The following DNAH10 variants were observed in gnomAD, a reference collection of about 807,000 sequenced individuals.
DNAH10 encodes axonemal beta dynein heavy chain 10.
Under a neutral mutation model 506.6 loss-of-function variants are expected in DNAH10, and 348 were observed. The ratio of observed to expected loss-of-function variants is 0.69; its 90% CI spans 0.63 to 0.75. The LOEUF is 0.75. Among genes scored for constraint, DNAH10 ranks in the 30% least tolerant of loss-of-function variants. The pLI is 0.00. For synonymous variants in DNAH10, 2,059 were observed against 2,198.6 expected (o/e 0.94, Z 1.78); for missense variants, 5,179 against 5,787.1 (o/e 0.89, Z 3.41).
intron 43 of DNAH10, 134 bp from the exon 44 acceptor site, chr12:123,870,232 A>G (rs1478628561): frequency 8.7e-7 from 1 of 1,153,032 alleles, no homozygotes; most frequent in African/African-American, 1.6e-5. Context: ...TGTCCAGTGA[A>G]GGAGCAGCAT....
intron 21 of DNAH10, among the ~76,000 whole-genome samples, chr12:123,814,878 A>G (rs1959089996): frequency 6.6e-6 from 1 of 152,018 alleles, no homozygotes; most frequent in Non-Finnish European, 1.5e-5. Flanking sequence ...TGGCCTCCCA[A>G]AGTGCTGGGA....
chr12:123,925,301 C>T lies in DNAH10; in HGVS notation c.11921+97C>T, dbSNP rs1313555732. The T allele has an allele frequency of 6.5e-7, 1 of 1,536,028 alleles. No homozygotes were observed. Among genetic ancestry groups the T allele is most frequent in the Admixed American group, 1.8e-5 (1 of 55,964 alleles). On this transcript the variant is annotated intron_variant, in intron 68 of 78. Coordinates refer to ENST00000673944, the MANE Select transcript of DNAH10 (RefSeq NM_001372106.1). This position sits in a 1 kb window ranked among gnomAD's most constrained non-coding sequence, Gnocchi z 4.0. ...CAAAGAAAGCAGAGGCTGACCAGCT[C>T]CCGAGACAGCTGTCGCCACCCTGCT...
intron 65 of DNAH10, among the ~76,000 whole-genome samples, chr12:123,922,480 C>T (rs907847884): frequency 6.6e-6 from 1 of 152,182 alleles, no homozygotes; most frequent in South Asian, 2.1e-4. Context: ...AGGACACACT[C>T]GTGTCCCTTT....
chr12:123,840,921 C>T (rs1950751558), intron 29 of DNAH10, among the ~76,000 whole-genome samples: 1 of 152,132 alleles, frequency 6.6e-6, no homozygotes, highest in African/African-American at 2.4e-5. Context: ...AGCAACTCAC[C>T]CATAGTTGCG....
chr12:123,819,190 G>T lies in DNAH10; in HGVS notation c.3940G>T (p.Glu1314Ter). 1 of 1,613,626 alleles carries T rather than the reference G, an allele frequency of 6.2e-7. No homozygotes were observed. Among genetic ancestry groups the T allele is most frequent in the Middle Eastern group, 1.6e-4 (1 of 6,062 alleles). Reference sequence around the variant, plus strand: ...AATGAACTACAGAGTTCAGATAGAGGAGTTTGCAAAGCGTTTTTACAGTGA... The same window carrying T: ...AATGAACTACAGAGTTCAGATAGAGTAGTTTGCAAAGCGTTTTTACAGTGA... ...EIMNYRVQIE[E>*]FAKRFYSEGP... Residue 1314 changes from glutamate (E) to a stop codon, truncating the protein, a stop_gained, in exon 23 of 79, where the codon GAG becomes TAG. Transcript: ENST00000673944. LOFTEE classifies it high-confidence loss of function.
At chr12:123,872,472 C>G (rs1020529907) in intron 45 of DNAH10, among the ~76,000 whole-genome samples, 18 of 152,136 alleles carry the variant, frequency 1.2e-4, no homozygotes, top group Non-Finnish European at 2.4e-4. Context: ...ATCAGCCCAG[C>G]CAGGTACACC....
At chr12:123,775,333 T>G (rs1957399108) in intron 5 of DNAH10, among the ~76,000 whole-genome samples, 1 of 152,136 alleles carries the variant, frequency 6.6e-6, no homozygotes, top group Non-Finnish European at 1.5e-5. Context: ...GGTCTCCAAC[T>G]CCTGGGCTCA....
intron 24 of DNAH10, among the ~76,000 whole-genome samples, chr12:123,822,646 C>A (rs563272491): frequency 6.6e-6 from 1 of 152,244 alleles, no homozygotes; most frequent in Non-Finnish European, 1.5e-5. Context: ...ATACCTATAT[C>A]TATGAGATTT....
intron 1 of DNAH10, among the ~76,000 whole-genome samples, chr12:123,763,085 T>G (rs1436110865): frequency 6.6e-6 from 1 of 152,192 alleles, no homozygotes; most frequent in Non-Finnish European, 1.5e-5. Flanking sequence ...TTCTGGAGGC[T>G]CCTTATATCC....
At chr12:123,805,101 A>G (rs1396442546) in intron 18 of DNAH10, 61 bp downstream of exon 18, 4 of 1,546,606 alleles carry the variant, frequency 2.6e-6, no homozygotes, top group African/African-American at 1.4e-5. Flanking sequence ...GTTGACAAAT[A>G]TGGACAGTTA....
rs929490860 is a variant in DNAH10 at position 123,909,005 on chromosome 12, G to T, written c.9816-256G>T. ...GATCCAGACGCTCCGGGGACGGCCT[G>T]GGTTTGTATTTTAATGCTGCCCCCG... On this transcript the variant is annotated intron_variant, in intron 57 of 78. Transcript: ENST00000673944. The surrounding 1 kb of genome is among the most constrained non-coding windows in gnomAD (Gnocchi z 5.4). Among the ~76,000 whole-genome samples, 9 of 152,178 alleles carry T rather than the reference G, an allele frequency of 5.9e-5. No homozygotes were observed. Among genetic ancestry groups the T allele is most frequent in the African/African-American group, 2.2e-4 (9 of 41,446 alleles).
chr12:123,876,355 C>T (rs1952254489), intron 47 of DNAH10, among the ~76,000 whole-genome samples: 1 of 152,122 alleles, frequency 6.6e-6, no homozygotes, highest in Admixed American at 6.5e-5. Context: ...AAATCAGGCC[C>T]GGTGCAGTGG....
chr12:123,916,577 GA>G lies in DNAH10; in HGVS notation c.10850del (p.Asn3617IlefsTer2). ...CGATCCTGTGATTGACAACGTCTTA[GA>G]AAAAAATATAAAAGTCTCCCAAGGA... is the stretch of plus-strand genomic sequence containing the variant. ...YIDPVIDNVL[E>X]KNIKVSQGRQ... On this transcript the variant is annotated frameshift_variant, in exon 63 of 79. Coordinates refer to ENST00000673944, the MANE Select transcript of DNAH10 (RefSeq NM_001372106.1). LOFTEE classifies it high-confidence loss of function. The surrounding 1 kb of genome is among the most constrained non-coding windows in gnomAD (Gnocchi z 4.6). 1 of 1,613,790 alleles carries G rather than the reference GA, an allele frequency of 6.2e-7. No homozygotes were observed. Among genetic ancestry groups the G allele is most frequent in the Non-Finnish European group, 8.5e-7 (1 of 1,179,836 alleles).
Position 123,902,883 on chromosome 12 carries a change from C to T in DNAH10, c.9641-56C>T, listed in dbSNP as rs916867170. The T allele has an allele frequency of 1.2e-5, 18 of 1,517,912 alleles. No homozygotes were observed. The highest frequency in any genetic ancestry group is 4.2e-5 in the Admixed American group (2 of 47,612). 94.0% of individuals were successfully genotyped at this position (1,517,912 alleles called of 1,614,324 possible). On this transcript the variant is annotated intron_variant, in intron 56 of 78. Coordinates refer to ENST00000673944, the MANE Select transcript of DNAH10 (RefSeq NM_001372106.1). The surrounding 1 kb of genome is among the most constrained non-coding windows in gnomAD (Gnocchi z 4.5). ...ACTGCACTCTGCTCAGAGCCGGGGC[C>T]GCGAGTGCATCTCCTCTGAGCCCAA...
rs1031393559 is a variant in DNAH10, at chr12:123,917,296, T to C, written c.11003-288T>C. Among the ~76,000 whole-genome samples, 3 of 152,164 alleles carry C rather than the reference T, an allele frequency of 2.0e-5. No homozygotes were observed. Among genetic ancestry groups the C allele is most frequent in the Non-Finnish European group, 2.9e-5 (2 of 68,014 alleles). On this transcript the variant is annotated intron_variant, in intron 63 of 78. Transcript: ENST00000673944. The surrounding 1 kb of genome is among the most constrained non-coding windows in gnomAD (Gnocchi z 5.6). ...TGCTGGGATTACAGGCATGAGCCAC[T>C]GCGCCCAGTCTGGGTATACTTTAAA...
intron 51 of DNAH10, among the ~76,000 whole-genome samples, chr12:123,885,803 G>T (rs1952703101): frequency 6.6e-6 from 1 of 151,870 alleles, no homozygotes; most frequent in Non-Finnish European, 1.5e-5. Context: ...GGAAAATATT[G>T]CAGTTTAAAT....
At position 123,935,539 on chromosome 12, in the gene DNAH10, G is replaced by A. The variant is rs1432678685; in HGVS notation, c.*58G>A. 58 of 1,504,730 alleles carry A rather than the reference G, an allele frequency of 3.9e-5. No homozygotes were observed. The highest frequency in any genetic ancestry group is 4.9e-5 in the Non-Finnish European group (54 of 1,107,526). The allele number at this position is 1,504,730 out of a possible 1,614,324, so 93.2% of individuals were successfully genotyped here. ...GGAGCCTGGGGTTGTCAGAGTGATCGGGTCTGCTGTCATTTCTTGGGGCCT... is the reference window on the plus strand; with the variant it reads ...GGAGCCTGGGGTTGTCAGAGTGATCAGGTCTGCTGTCATTTCTTGGGGCCT... On this transcript the variant is annotated 3_prime_UTR_variant, in exon 79 of 79. Transcript: ENST00000673944.
intron 46 of DNAH10, 63 bp from the exon 47 acceptor site, chr12:123,875,168 A>G (rs1952201775): frequency 2.6e-6 from 4 of 1,529,974 alleles, no homozygotes; most frequent in East Asian, 4.8e-5. Context: ...TGGTCAGCCA[A>G]CGCCTCTCTG....
At chr12:123,806,768 GT>G (rs759640354) in intron 18 of DNAH10, among the ~76,000 whole-genome samples, 324 of 135,832 alleles carry the variant, frequency 2.4e-3, no homozygotes, top group African/African-American at 6.2e-3. Flanking sequence ...AATATGCTAT[GT>G]TTTTTTTTTT....
Sources: allele counts gnomAD v4.1 joint callset (sites outside exome capture counted in the v4.1 genomes callset), GRCh38; gene constraint gnomAD v4.1.1; non-coding constraint Gnocchi (gnomAD v3.1); transcripts MANE v1.5; gene names NCBI Gene and HGNC (gene_info 2026-07-23, HGNC 2026-07-21).